The following MAP4K3 variants were observed in gnomAD, a reference collection of about 807,000 sequenced individuals.
MAP4K3 encodes MAPK/ERK kinase kinase kinase 3.
In MAP4K3, 94 loss-of-function variants were observed where a neutral mutation model predicts 143.5. That is an observed-to-expected ratio of 0.65 (90% confidence interval 0.55 to 0.78). MAP4K3 has a LOEUF of 0.78. Among genes scored for constraint, MAP4K3 ranks in the 30% least tolerant of loss-of-function variants. The pLI, the probability that MAP4K3 is intolerant of heterozygous loss-of-function variation, is 0.00. For synonymous variants in MAP4K3, 416 were observed against 347.2 expected, an observed-to-expected ratio of 1.20 and a Z score of -2.20; for missense variants, 1,077 against 1,068.1, an observed-to-expected ratio of 1.01 and a Z score of -0.12.
At chr2:39,371,998 T>C (rs1379668309) in intron 2 of MAP4K3, among the ~76,000 whole-genome samples, 1 of 151,538 alleles carries the variant, frequency 6.6e-6, no homozygotes, top group Non-Finnish European at 1.5e-5. Context: ...AGCAGTCAAA[T>C]TATCCTTGTT....
intron 24 of MAP4K3, among the ~76,000 whole-genome samples, chr2:39,275,835 A>G (rs542748067): frequency 3.4e-4 from 51 of 152,194 alleles, no homozygotes; most frequent in Non-Finnish European, 6.3e-4. Context: ...CATTACTTAT[A>G]TATTTTTCTT....
intron 23 of MAP4K3, 113 bp downstream of exon 23, chr2:39,280,159 C>A: frequency 1.9e-5 from 11 of 573,484 alleles, no homozygotes; most frequent in Admixed American, 3.5e-5. Flanking sequence ...AAAATTATAA[C>A]AAAACTTTTT....
chr2:39,340,417 T>C (rs1665106268), intron 4 of MAP4K3, among the ~76,000 whole-genome samples: 1 of 152,202 alleles, frequency 6.6e-6, no homozygotes, highest in African/African-American at 2.4e-5. Context: ...AATATTCATA[T>C]ATGAGAACAT....
chr2:39,270,377 C>T (rs1680963334), intron 26 of MAP4K3, among the ~76,000 whole-genome samples: 1 of 152,208 alleles, frequency 6.6e-6, no homozygotes, highest in African/African-American at 2.4e-5. Flanking sequence ...ACCCAATTAA[C>T]TGGAATTCTA....
At chr2:39,403,283 A>T (rs1667000786) in intron 1 of MAP4K3, among the ~76,000 whole-genome samples, 1 of 152,120 alleles carries the variant, frequency 6.6e-6, no homozygotes, top group Admixed American at 6.5e-5. Flanking sequence ...AAGAACCAAA[A>T]CTCAGGTGTG....
chr2:39,292,460 C>T (rs1445943462), intron 18 of MAP4K3, among the ~76,000 whole-genome samples: 3 of 152,156 alleles, frequency 2.0e-5, no homozygotes, highest in African/African-American at 7.2e-5. Flanking sequence ...GGAAAGGCCA[C>T]GTGAAGACAT....
At chr2:39,340,774 T>C (rs1248397696) in intron 4 of MAP4K3, among the ~76,000 whole-genome samples, 2 of 152,066 alleles carry the variant, frequency 1.3e-5, no homozygotes, top group African/African-American at 4.8e-5. Flanking sequence ...AGATATAAAA[T>C]AGAACCAAAT....
At chr2:39,375,396 T>G (rs1022575972) in intron 2 of MAP4K3, among the ~76,000 whole-genome samples, 1 of 152,086 alleles carries the variant, frequency 6.6e-6, no homozygotes, top group Admixed American at 6.5e-5. Flanking sequence ...AAGAATATAT[T>G]ACATGATGCT....
intron 16 of MAP4K3, among the ~76,000 whole-genome samples, chr2:39,296,666 G>T (rs1005646065): frequency 6.6e-6 from 1 of 152,150 alleles, no homozygotes; most frequent in African/African-American, 2.4e-5. Context: ...CAATCTGTAA[G>T]TACTGCTCTG....
chr2:39,333,625 A>C (rs759438764), intron 6 of MAP4K3, 51 bp from the exon 7 acceptor site: 14 of 1,008,958 alleles, frequency 1.4e-5, no homozygotes, highest in African/African-American at 3.2e-5. Flanking sequence ...ATTTTATCAG[A>C]CAGCACATAT....
chr2:39,385,936 G>A (rs1372481317), intron 1 of MAP4K3, among the ~76,000 whole-genome samples: 2 of 151,740 alleles, frequency 1.3e-5, no homozygotes, highest in Non-Finnish European at 2.9e-5. Flanking sequence ...CCAGCCAAAT[G>A]TTTTCTTCCA....
chr2:39,436,937 C>T lies in MAP4K3; in HGVS notation c.51G>A (p.Glu17=), dbSNP rs752140801. Residue 17 remains glutamate, a synonymous_variant, in exon 1 of 34, where the codon GAG becomes GAA. Transcript: ENST00000263881. ...LSRRNPQEDF[E]LIQRIGSGTY... ...TGCCGCTGCCGATGCGCTGAATCAG[C>T]TCGAAGTCCTCCTGCGGGTTCCGGC... The T allele has an allele frequency of 6.2e-7, 1 of 1,612,932 alleles. No individual in the cohort carries two copies. Among genetic ancestry groups the T allele is most frequent in the Non-Finnish European group, 8.5e-7 (1 of 1,179,504 alleles).
intron 1 of MAP4K3, among the ~76,000 whole-genome samples, chr2:39,435,113 C>T (rs1212034818): frequency 6.6e-6 from 1 of 152,122 alleles, no homozygotes; most frequent in Non-Finnish European, 1.5e-5. Context: ...AGCGAACTCC[C>T]CCAACCAGTC....
chr2:39,278,320 T>C, intron 24 of MAP4K3, 87 bp downstream of exon 24: 1 of 700,930 alleles, frequency 1.4e-6, no homozygotes, highest in Non-Finnish European at 2.3e-6. Flanking sequence ...AGGCAGCAAG[T>C]CATGAAACTG....
intron 1 of MAP4K3, among the ~76,000 whole-genome samples, chr2:39,420,597 GA>G (rs1367051947): frequency 6.7e-6 from 1 of 149,170 alleles, no homozygotes; most frequent in East Asian, 2.0e-4. Context: ...TTTTTTTTAA[GA>G]GATGAGGTCT....
At chr2:39,318,154 C>G (rs1020788794) in intron 12 of MAP4K3, among the ~76,000 whole-genome samples, 23 of 152,050 alleles carry the variant, frequency 1.5e-4, no homozygotes, top group Non-Finnish European at 2.1e-4. Flanking sequence ...AGCAGAAAAC[C>G]AAATTCCACA....
intron 2 of MAP4K3, among the ~76,000 whole-genome samples, chr2:39,369,242 C>T (rs1305213698): frequency 1.1e-5 from 1 of 92,094 alleles, no homozygotes; most frequent in African/African-American, 4.1e-5. Flanking sequence ...GTCACCCAGG[C>T]TAGAGTGCAG....
chr2:39,309,709 C>G (rs959556197), intron 13 of MAP4K3, among the ~76,000 whole-genome samples, 190 bp from the exon 14 acceptor site: 3 of 151,646 alleles, frequency 2.0e-5, no homozygotes, highest in African/African-American at 7.3e-5. Context: ...AGGCGCCCTC[C>G]ACCACGCCCG....
At chr2:39,258,986 T>C (rs996747294) in intron 29 of MAP4K3, among the ~76,000 whole-genome samples, 1 of 151,126 alleles carries the variant, frequency 6.6e-6, no homozygotes, top group Non-Finnish European at 1.5e-5. Context: ...CAGCATCACC[T>C]GGGAATTTAC....
Sources: allele counts gnomAD v4.1 joint callset (sites outside exome capture counted in the v4.1 genomes callset), GRCh38; gene constraint gnomAD v4.1.1; transcripts MANE v1.5; gene names NCBI Gene and HGNC (gene_info 2026-07-23, HGNC 2026-07-21).